The following PSMD14 variants were observed in gnomAD, a reference collection of about 807,000 sequenced individuals.
PSMD14 encodes the protein ubiquitin C-terminal hydrolase PSMD14.
PSMD14 carries 7 observed loss-of-function variants against 41.2 expected under a neutral mutation model. The ratio of observed to expected loss-of-function variants is 0.17; its 90% confidence interval spans 0.10 to 0.32. PSMD14 has a LOEUF of 0.32. PSMD14 is among the 10% of genes least tolerant of loss of function. PSMD14 has a pLI of 1.00. For synonymous variants in PSMD14, 114 were observed against 122.3 expected (o/e 0.93, Z 0.45); for missense variants, 139 against 375.6 (o/e 0.37, Z 5.21).
chr2:161,402,959 C>T (rs1299573685), intron 10 of PSMD14, among the ~76,000 whole-genome samples: 1 of 152,182 alleles, frequency 6.6e-6, no homozygotes, highest in Non-Finnish European at 1.5e-5. Context: ...TAAAATGGTA[C>T]AGCCACTGTG....
At chr2:161,403,733 C>G (rs1683912338) in intron 10 of PSMD14, among the ~76,000 whole-genome samples, 1 of 151,916 alleles carries the variant, frequency 6.6e-6, no homozygotes, top group Admixed American at 6.6e-5. Context: ...AATGCTTTTT[C>G]TTGCTTCCTG....
chr2:161,341,433 G>T, intron 3 of PSMD14: 1 of 409,662 alleles, frequency 2.4e-6, no homozygotes, highest in Non-Finnish European at 3.3e-6. Context: ...CTGAATAGAA[G>T]TTCTTTATCA....
chr2:161,333,828 C>T (rs531476038), intron 3 of PSMD14, among the ~76,000 whole-genome samples: 40 of 151,794 alleles, frequency 2.6e-4, no homozygotes, highest in Admixed American at 8.5e-4. Context: ...GTCAGGAGTT[C>T]GAGACCAGCC....
chr2:161,372,113 G>A (rs1683443028), intron 7 of PSMD14, among the ~76,000 whole-genome samples: 1 of 152,014 alleles, frequency 6.6e-6, no homozygotes, highest in Non-Finnish European at 1.5e-5. Context: ...ACCACAGGGA[G>A]AGTGGATTAG....
Position 161,361,698 on chromosome 2 carries a change from G to A in PSMD14, c.49-5780G>A, listed in dbSNP as rs56314328. 5.1e-3 allele frequency among the ~76,000 whole-genome samples: 782 copies of A among 152,210 alleles called. 7 individuals are homozygous for A. The highest frequency in any genetic ancestry group is 9.2e-3 in the Non-Finnish European group (628 of 67,992). ...GAAGTACAAAGATGATTTAATAGTG[G>A]GAAATATTAATGTAATACACCACTG... On this transcript the variant is annotated intron_variant, in intron 3 of 11. Transcript: ENST00000409682.
chr2:161,360,994 T>C (rs2105252761), intron 3 of PSMD14, among the ~76,000 whole-genome samples: 1 of 152,362 alleles, frequency 6.6e-6, no homozygotes, highest in South Asian at 2.1e-4. Flanking sequence ...TTAAAGTCTT[T>C]AGGTATTTAG....
intron 3 of PSMD14, among the ~76,000 whole-genome samples, chr2:161,355,417 A>G (rs1683181695): frequency 6.6e-6 from 1 of 152,158 alleles, no homozygotes; most frequent in African/African-American, 2.4e-5. Flanking sequence ...TAGTATTTGT[A>G]ATATTATATA....
intron 3 of PSMD14, among the ~76,000 whole-genome samples, chr2:161,320,782 A>G (rs1156900333): frequency 6.6e-6 from 1 of 152,024 alleles, no homozygotes; most frequent in African/African-American, 2.4e-5. Flanking sequence ...CTGGAATGCA[A>G]TGGCATGATC....
chr2:161,345,504 G>A (rs534848530), intron 3 of PSMD14, among the ~76,000 whole-genome samples: 4 of 151,922 alleles, frequency 2.6e-5, no homozygotes, highest in African/African-American at 7.2e-5. Context: ...CAAGCAATCC[G>A]CCCACCTCTG....
In PSMD14 at chr2:161,374,877, A is replaced by G. The variant is rs141403118; in HGVS notation, c.462+3555A>G. ...TGTAATATATTTATTAAAAAGCATT[A>G]CTGCTTTAGAGAACTCATTTTCCTT... On this transcript the variant is annotated intron_variant, in intron 7 of 11. Transcript: ENST00000409682. Among the ~76,000 whole-genome samples the G allele has an allele frequency of 2.0e-5, 3 of 152,162 alleles. No homozygotes were observed. In the East Asian group the frequency reaches 5.8e-4, roughly 29 times the overall value.
intron 3 of PSMD14, among the ~76,000 whole-genome samples, chr2:161,365,165 T>C (rs935855751): frequency 5.3e-5 from 8 of 152,236 alleles, no homozygotes; most frequent in African/African-American, 1.9e-4. Flanking sequence ...CTTCTCTTAG[T>C]ACATGGCTTT....
chr2:161,311,329 G>T (rs186639113), intron 1 of PSMD14, among the ~76,000 whole-genome samples: 2 of 151,880 alleles, frequency 1.3e-5, no homozygotes, highest in East Asian at 1.9e-4. Context: ...AAAAAAAATT[G>T]CATCTATATT....
chr2:161,397,649 C>T (rs1683820211), intron 10 of PSMD14, among the ~76,000 whole-genome samples: 1 of 152,038 alleles, frequency 6.6e-6, no homozygotes, highest in African/African-American at 2.4e-5. Context: ...AATATTTTAT[C>T]CAAGAGACAG....
At chr2:161,353,525 G>C (rs1040785841) in intron 3 of PSMD14, among the ~76,000 whole-genome samples, 2 of 152,146 alleles carry the variant, frequency 1.3e-5, no homozygotes, top group African/African-American at 4.8e-5. Context: ...GCCTTTCAGT[G>C]TGTCATTTTT....
chr2:161,365,538 A>G (rs531489580), intron 3 of PSMD14, among the ~76,000 whole-genome samples: 1 of 152,104 alleles, frequency 6.6e-6, no homozygotes, highest in African/African-American at 2.4e-5. Context: ...AAAAAAAAAT[A>G]TTTTCAGGCA....
At chr2:161,315,128 A>G (rs1689132982) in intron 1 of PSMD14, among the ~76,000 whole-genome samples, 1 of 152,218 alleles carries the variant, frequency 6.6e-6, no homozygotes, top group Admixed American at 6.5e-5. Flanking sequence ...ATGGCTTCAA[A>G]CATTTATCCC....
chr2:161,328,743 G>A (rs1682740752), intron 3 of PSMD14, among the ~76,000 whole-genome samples: 1 of 151,938 alleles, frequency 6.6e-6, no homozygotes, highest in Non-Finnish European at 1.5e-5. Flanking sequence ...CTAGCTAGTG[G>A]CTACCATATT....
intron 3 of PSMD14, among the ~76,000 whole-genome samples, chr2:161,323,667 A>T (rs931713827): frequency 6.6e-6 from 1 of 152,168 alleles, no homozygotes; most frequent in Non-Finnish European, 1.5e-5. Context: ...TGTCTCAAAA[A>T]AAAAAAAAGT....
intron 7 of PSMD14, among the ~76,000 whole-genome samples, chr2:161,371,853 T>G (rs1195183548): frequency 1.2e-4 from 18 of 152,194 alleles, no homozygotes; most frequent in African/African-American, 4.1e-4. Flanking sequence ...TTAAATATGC[T>G]AAATAATTCT....
Sources: allele counts gnomAD v4.1 joint callset (sites outside exome capture counted in the v4.1 genomes callset), GRCh38; gene constraint gnomAD v4.1.1; transcripts MANE v1.5; gene names NCBI Gene and HGNC (gene_info 2026-07-23, HGNC 2026-07-21).